The following EEPD1 variants were observed in gnomAD, a reference collection of about 807,000 sequenced individuals.
EEPD1 encodes endonuclease/exonuclease/phosphatase family domain-containing protein 1.
EEPD1 carries 17 observed loss-of-function variants against 46.3 expected under a neutral mutation model. The ratio of observed to expected loss-of-function variants is 0.37; its 90% CI spans 0.25 to 0.55. The LOEUF is 0.55. Among genes scored for constraint, EEPD1 ranks in the 20% least tolerant of loss-of-function variants. The probability of loss-of-function intolerance (pLI) is 0.83; values close to 1 mark genes in which losing one functional copy is unlikely to be tolerated. For missense variants in EEPD1, 673 were observed against 745.6 expected (o/e 0.90, Z 1.13); for synonymous variants, 313 against 315.6 (o/e 0.99, Z 0.09).
At chr7:36,162,502 A>G (rs902085383) in intron 2 of EEPD1, among the ~76,000 whole-genome samples, 3 of 152,134 alleles carry the variant, frequency 2.0e-5, no homozygotes, top group South Asian at 4.2e-4. Flanking sequence ...AAATTACCCA[A>G]GGTTGGTGGT....
intron 6 of EEPD1, among the ~76,000 whole-genome samples, chr7:36,296,030 CAAAAA>C (rs34494609): frequency 1.4e-4 from 10 of 71,948 alleles, no homozygotes; most frequent in African/African-American, 2.5e-4. Context: ...GACTGTCTCA[CAAAAA>C]AAAAAAAAAA....
At chr7:36,246,421 A>T (rs1246531090) in intron 3 of EEPD1, among the ~76,000 whole-genome samples, 1 of 152,230 alleles carries the variant, frequency 6.6e-6, no homozygotes, top group Non-Finnish European at 1.5e-5. Flanking sequence ...TGTTATGAGA[A>T]CTAAGTGAGA....
chr7:36,257,974 G>T (rs949028226), intron 3 of EEPD1, among the ~76,000 whole-genome samples: 1 of 152,130 alleles, frequency 6.6e-6, no homozygotes, highest in Non-Finnish European at 1.5e-5. Flanking sequence ...ATCTACCTTT[G>T]GTCTTTGATG....
At chr7:36,252,333 A>C (rs1041032549) in intron 3 of EEPD1, among the ~76,000 whole-genome samples, 12 of 152,138 alleles carry the variant, frequency 7.9e-5, no homozygotes, top group Non-Finnish European at 1.5e-4. Context: ...GCGGTGAAGA[A>C]TCATGCCCCG....
intron 2 of EEPD1, among the ~76,000 whole-genome samples, chr7:36,212,603 A>C (rs541453438): frequency 7.8e-6 from 1 of 127,596 alleles, no homozygotes; most frequent in Non-Finnish European, 1.7e-5. Flanking sequence ...TGGCCAAAGG[A>C]AGTCACATGG....
intron 6 of EEPD1, among the ~76,000 whole-genome samples, chr7:36,289,785 C>T (rs1414144611): frequency 7.9e-5 from 12 of 152,232 alleles, no homozygotes; most frequent in Admixed American, 5.9e-4. Context: ...TGAGCCACAG[C>T]GCCTGGCCAG....
chr7:36,230,129 T>G (rs913729244), intron 2 of EEPD1, among the ~76,000 whole-genome samples: 6 of 151,976 alleles, frequency 3.9e-5, no homozygotes, highest in Non-Finnish European at 7.4e-5. Context: ...CTTGTTCCCC[T>G]CATCTGTTCA....
chr7:36,292,156 G>A (rs557373485), intron 6 of EEPD1, among the ~76,000 whole-genome samples: 20 of 152,268 alleles, frequency 1.3e-4, no homozygotes, highest in African/African-American at 3.4e-4. Flanking sequence ...TGAGTGCCCC[G>A]TGCCAGGCGC....
intron 3 of EEPD1, among the ~76,000 whole-genome samples, chr7:36,241,116 T>A (rs969799087): frequency 6.6e-6 from 1 of 151,994 alleles, no homozygotes; most frequent in East Asian, 1.9e-4. Context: ...TTTTCTAGTA[T>A]CCCCCCTCAA....
Position 36,243,251 on chromosome 7 carries a change from A to G in EEPD1, c.930+4215A>G, listed in dbSNP as rs527784700. Among the ~76,000 whole-genome samples the G allele has an allele frequency of 4.6e-5, 7 of 151,920 alleles. No individual in the cohort carries two copies. In the East Asian group the frequency reaches 1.4e-3, roughly 29 times the overall value. On this transcript the variant is annotated intron_variant, in intron 3 of 7. Coordinates refer to ENST00000242108, the MANE Select transcript of EEPD1 (RefSeq NM_030636.3). ...TTTATTATCACCATCGCTATTATTAACTAGTCAGAAAGAATCTATGAGTTG... is the reference window on the plus strand; with the variant it reads ...TTTATTATCACCATCGCTATTATTAGCTAGTCAGAAAGAATCTATGAGTTG...
chr7:36,279,462 A>G (rs1208984064), intron 3 of EEPD1, among the ~76,000 whole-genome samples: 2 of 152,234 alleles, frequency 1.3e-5, no homozygotes, highest in Non-Finnish European at 2.9e-5. Flanking sequence ...GTAATGAAGT[A>G]CTGGTGCTTC....
chr7:36,166,573 C>A (rs1019357680), intron 2 of EEPD1, among the ~76,000 whole-genome samples: 3 of 151,466 alleles, frequency 2.0e-5, no homozygotes, highest in Non-Finnish European at 4.4e-5. Context: ...AACAAACAAA[C>A]AAAAAAACAG....
chr7:36,156,553 G>A (rs539014619), intron 2 of EEPD1, among the ~76,000 whole-genome samples: 2 of 152,310 alleles, frequency 1.3e-5, no homozygotes, highest in Non-Finnish European at 2.9e-5. Context: ...ATGAGGAGGG[G>A]AGAGGCAGGA....
intron 2 of EEPD1, among the ~76,000 whole-genome samples, chr7:36,189,542 A>G (rs2726058): frequency 0.9 from 137,614 of 152,196 alleles, 62,754 homozygotes; most frequent in Non-Finnish European, 0.97. Flanking sequence ...TTTGTTGAAT[A>G]CCAGAATCTT....
intron 3 of EEPD1, among the ~76,000 whole-genome samples, chr7:36,265,392 C>T (rs1353317013): frequency 6.6e-6 from 1 of 152,042 alleles, no homozygotes; most frequent in Non-Finnish European, 1.5e-5. Context: ...TGCCTAGAGC[C>T]CGCCTGAGAG....
At chr7:36,297,858 C>A (rs1267902710) in intron 7 of EEPD1, among the ~76,000 whole-genome samples, 2 of 152,192 alleles carry the variant, frequency 1.3e-5, no homozygotes, top group East Asian at 3.8e-4. Context: ...ACAGTAGGGT[C>A]TTTTGATGAA....
chr7:36,295,852 T>G (rs1787515927), intron 6 of EEPD1, among the ~76,000 whole-genome samples: 1 of 151,772 alleles, frequency 6.6e-6, no homozygotes, highest in African/African-American at 2.4e-5. Flanking sequence ...CCAACATGGT[T>G]AAGCCCTGTC....
chr7:36,155,967 T>C (rs1308066699), intron 2 of EEPD1, among the ~76,000 whole-genome samples: 1 of 152,204 alleles, frequency 6.6e-6, no homozygotes, highest in East Asian at 1.9e-4. Context: ...AAAAACAATA[T>C]TATTTTGGCA....
At position 36,180,208 on chromosome 7, in the gene EEPD1, G is replaced by A. The variant is rs62445393; in HGVS notation, c.878+25006G>A. ...TAACTAGCTGATACCGGGAGAAAGC[G>A]ATGCGGGGGAAAGGTAACACCTCCT... On this transcript the variant is annotated intron_variant, in intron 2 of 7. Transcript: ENST00000242108. Among the ~76,000 whole-genome samples, 819 of 152,336 alleles carry A rather than the reference G, an allele frequency of 5.4e-3. 9 individuals are homozygous for A. The highest frequency in any genetic ancestry group is 8.5e-3 in the Non-Finnish European group (576 of 68,026).
Sources: gnomAD v4.1 joint callset for allele counts (sites outside exome capture counted in the v4.1 genomes callset) on GRCh38, gnomAD v4.1.1 for gene constraint, MANE v1.5 for transcripts, NCBI Gene and HGNC (gene_info 2026-07-23, HGNC 2026-07-21) for gene names.